Variants in TLR5 observed in about 807,000 individuals in gnomAD.
TLR5 encodes toll-like receptor 5.
For missense variants in TLR5, 944 were observed against 999.8 expected (o/e 0.94, Z 0.75); for synonymous variants, 373 against 384.4 (o/e 0.97, Z 0.35).
At chr1:223,113,172 G>A in intron 5 of TLR5, 137 bp from the exon 6 acceptor site, 1 of 845,552 alleles carries the variant, frequency 1.2e-6, no homozygotes, top group South Asian at 1.5e-5. Flanking sequence ...CCACAGACGT[G>A]GCTGTTGGCA....
chr1:223,115,607 C>A (rs930872875), intron 5 of TLR5, among the ~76,000 whole-genome samples: 1 of 151,446 alleles, frequency 6.6e-6, no homozygotes, highest in Non-Finnish European at 1.5e-5. Context: ...ACCAAGCCTG[C>A]CCTCATGGAG....
intron 4 of TLR5, among the ~76,000 whole-genome samples, chr1:223,133,861 A>C (rs1171530285): frequency 6.6e-6 from 1 of 152,180 alleles, no homozygotes; most frequent in Non-Finnish European, 1.5e-5. Flanking sequence ...CAAAAGGGGC[A>C]GGGACCGAGG....
At chr1:223,137,479 T>G (rs1487789153) in intron 2 of TLR5, among the ~76,000 whole-genome samples, 1 of 152,170 alleles carries the variant, frequency 6.6e-6, no homozygotes, top group Non-Finnish European at 1.5e-5. Context: ...AAAGAGAAAA[T>G]GCCTGACTAG....
Position 223,110,480 on chromosome 1 carries a change from A to G in TLR5, c.2552T>C (p.Leu851Ser), listed in dbSNP as rs1174400161. 7 of 1,614,062 alleles carry G rather than the reference A, an allele frequency of 4.3e-6. No individual in the cohort carries two copies. In the Admixed American group the frequency reaches 6.7e-5, roughly 15 times the overall value. ...KEKKKDNNIP[L>S]QTVATIS ...TTAGGAGATGGTTGCTACAGTTTGC[A>G]ACGGAATGTTATTGTCTTTCTTCTT... Residue 851 changes from leucine (L) to serine (S), a missense_variant, in exon 6 of 6, where the codon TTG becomes TCG. Leu to Ser is a moderately radical substitution (Grantham distance 145, BLOSUM62 -2). Transcript: ENST00000642603.
chr1:223,129,027 T>A (rs1027631189), intron 5 of TLR5: 1 of 152,282 alleles, frequency 6.6e-6, no homozygotes, highest in Non-Finnish European at 1.5e-5. Context: ...CGCGCTCACT[T>A]CTCTGCACCA....
chr1:223,138,596 G>A (rs961939382), intron 2 of TLR5, among the ~76,000 whole-genome samples: 1 of 152,062 alleles, frequency 6.6e-6, no homozygotes, highest in African/African-American at 2.4e-5. Context: ...GTTGACTCTA[G>A]AACATTTCCT....
At position 223,112,243 on chromosome 1, in the gene TLR5, G is replaced by A. The variant is rs971330829; in HGVS notation, c.789C>T (p.His263=). Residue 263 remains histidine, a synonymous_variant, in exon 6 of 6, where the codon CAC becomes CAT. Coordinates refer to ENST00000642603, the MANE Select transcript of TLR5 (RefSeq NM_003268.6). The part of the protein sequence containing the change: ...SQAFSLILAH[H]IMGAGFGFHN... Reference sequence around the variant, plus strand: ...GGAAGCCAAACCCGGCACCCATGATGTGGTGGGCAAGAATCAAAGAGAAGG... The same window carrying A: ...GGAAGCCAAACCCGGCACCCATGATATGGTGGGCAAGAATCAAAGAGAAGG... 1 of 1,614,204 alleles carries A rather than the reference G, an allele frequency of 6.2e-7. No individual in the cohort carries two copies. The highest frequency in any genetic ancestry group is 1.7e-5 in the Admixed American group (1 of 60,028).
At chr1:223,116,923 TA>T (rs747514075) in intron 5 of TLR5, among the ~76,000 whole-genome samples, 2 of 152,220 alleles carry the variant, frequency 1.3e-5, no homozygotes, top group African/African-American at 2.4e-5. Context: ...GCGTCAGGGC[TA>T]GGGGCAGAGC....
At chr1:223,142,407 C>A (rs184104177) in intron 1 of TLR5, among the ~76,000 whole-genome samples, 1 of 152,216 alleles carries the variant, frequency 6.6e-6, no homozygotes, top group African/African-American at 2.4e-5. Context: ...TAGGTAACAA[C>A]ACCGCTCTCC....
chr1:223,117,494 A>C (rs1294908720), intron 5 of TLR5, among the ~76,000 whole-genome samples: 2 of 148,948 alleles, frequency 1.3e-5, no homozygotes, highest in Admixed American at 1.4e-4. Flanking sequence ...ACCTCTCAAT[A>C]CTTATCATCT....
chr1:223,124,742 T>C (rs1444854697), intron 5 of TLR5, among the ~76,000 whole-genome samples: 1 of 152,168 alleles, frequency 6.6e-6, no homozygotes, highest in Non-Finnish European at 1.5e-5. Context: ...TAGCTGGGAT[T>C]ACAGGTGTGC....
chr1:223,130,057 C>T (rs1014200574), intron 5 of TLR5, among the ~76,000 whole-genome samples: 3 of 152,002 alleles, frequency 2.0e-5, no homozygotes, highest in African/African-American at 7.2e-5. Flanking sequence ...TGGGTGGGGG[C>T]TGGGGCGTAC....
rs1225836849 is a variant in TLR5, at chr1:223,109,576, T to TATGAC, written c.*874_*878dup. Reference sequence around the variant, plus strand: ...GCCAATTTAATTTTCACAGGAATTCTATGACATAGATGCTGTTACGTGAGA... The same window carrying TATGAC: ...GCCAATTTAATTTTCACAGGAATTCTATGACATGACATAGATGCTGTTACGTGAGA... On this transcript the variant is annotated 3_prime_UTR_variant, in exon 6 of 6. Coordinates refer to ENST00000642603, the MANE Select transcript of TLR5 (RefSeq NM_003268.6). 2 of 152,314 alleles carry TATGAC rather than the reference T, an allele frequency of 1.3e-5. No homozygotes were observed. Among genetic ancestry groups the TATGAC allele is most frequent in the Admixed American group, 1.3e-4 (2 of 15,300 alleles). 9.4% of individuals were successfully genotyped at this position (152,314 alleles called of 1,614,324 possible). A position where few individuals can be genotyped will look rare whatever the true frequency, so the allele number is the denominator to read the frequency against.
intron 4 of TLR5, among the ~76,000 whole-genome samples, chr1:223,132,921 C>T (rs1449006787): frequency 2.0e-5 from 3 of 152,182 alleles, no homozygotes; most frequent in Admixed American, 2.0e-4. Context: ...AAATCTCTTT[C>T]ATGACATTTC....
intron 4 of TLR5, among the ~76,000 whole-genome samples, chr1:223,133,980 T>G (rs531640612): frequency 2.8e-4 from 43 of 152,104 alleles, no homozygotes; most frequent in Non-Finnish European, 5.3e-4. Flanking sequence ...CGCAGTAGAG[T>G]GCATTTAGAC....
At position 223,111,277 on chromosome 1, in the gene TLR5, A is replaced by G. The variant is rs754337119; in HGVS notation, c.1755T>C (p.Cys585=). The change falls in exon 6 of 6, where the codon TGT becomes TGC. Residue 585 remains cysteine (C), a synonymous_variant. Coordinates refer to ENST00000642603, the MANE Select transcript of TLR5 (RefSeq NM_003268.6). ...GCCAATTGATAAAAGTGCTAAGTTC[A>G]CATTCACAAATGAACTTGTTATGAG... ...DITHNKFICE[C]ELSTFINWLN... 5.0e-6 allele frequency: 8 copies of G among 1,614,178 alleles called. No homozygotes were observed. Among genetic ancestry groups the G allele is most frequent in the Non-Finnish European group, 8.5e-7 (1 of 1,180,028 alleles).
At position 223,111,076 on chromosome 1, in the gene TLR5, C is replaced by T. The variant is rs1349726759; in HGVS notation, c.1956G>A (p.Leu652=). 1 of 1,614,164 alleles carries T rather than the reference C, an allele frequency of 6.2e-7. No homozygotes were observed. Among genetic ancestry groups the T allele is most frequent in the East Asian group, 2.2e-5 (1 of 44,884 alleles). ...LFIVCTVTLT[L]FLMTILTVTK... is the part of the protein sequence containing the mutation. Reference sequence around the variant, plus strand: ...TGACTGTGAGGATGGTCATGAGGAACAGAGTCAGAGTGACAGTGCATACAA... The same window carrying T: ...TGACTGTGAGGATGGTCATGAGGAATAGAGTCAGAGTGACAGTGCATACAA... Residue 652 remains leucine (L), a synonymous_variant, in exon 6 of 6, where the codon CTG becomes CTA. Coordinates refer to ENST00000642603, the MANE Select transcript of TLR5 (RefSeq NM_003268.6).
At chr1:223,140,598 T>C (rs569249072) in intron 2 of TLR5, among the ~76,000 whole-genome samples, 3 of 150,572 alleles carry the variant, frequency 2.0e-5, no homozygotes, top group East Asian at 2.0e-4. Flanking sequence ...GCATCATGGC[T>C]GGGTGAGGAA....
intron 5 of TLR5, among the ~76,000 whole-genome samples, chr1:223,121,219 A>G (rs544353233): frequency 1.3e-5 from 2 of 152,360 alleles, no homozygotes; most frequent in Non-Finnish European, 1.5e-5. Flanking sequence ...ACATTGAGAC[A>G]TGTACCAACT....
Sources: allele counts gnomAD v4.1 joint callset (sites outside exome capture counted in the v4.1 genomes callset), GRCh38; gene constraint gnomAD v4.1.1; transcripts MANE v1.5; gene names NCBI Gene and HGNC (gene_info 2026-07-23, HGNC 2026-07-21).